DLGAP2: variants seen among roughly 807,000 people sequenced by gnomAD.
DLGAP2 encodes the protein DLG associated protein 2.
A neutral mutation model predicts 100.3 loss-of-function variants in DLGAP2; 26 were observed. The observed-to-expected ratio is 0.26, with a 90% CI of 0.19 to 0.36. The LOEUF (loss-of-function observed/expected upper bound fraction) is 0.36. DLGAP2 is among the 10% of genes least tolerant of loss of function. The probability of loss-of-function intolerance (pLI) is 1.00; values close to 1 mark genes in which losing one functional copy is unlikely to be tolerated. For synonymous variants in DLGAP2, 886 were observed against 630.1 expected, an observed-to-expected ratio of 1.41 and a Z score of -6.08; for missense variants, 1,858 against 1,453.2, an observed-to-expected ratio of 1.28 and a Z score of -4.53.
At chr8:958,581 C>T (rs1203383792) in intron 2 of DLGAP2, among the ~76,000 whole-genome samples, 1 of 78,048 alleles carries the variant, frequency 1.3e-5, no homozygotes, top group African/African-American at 5.1e-5. Flanking sequence ...AACTAGACCT[C>T]CAAAAAAAAA....
intron 2 of DLGAP2, among the ~76,000 whole-genome samples, chr8:941,116 G>A (rs748223938): frequency 2.6e-5 from 4 of 152,246 alleles, no homozygotes; most frequent in South Asian, 2.1e-4. Context: ...AGGAGCTTTC[G>A]TGTGGGACCC....
At chr8:1,579,595 G>T (rs1442083394) in intron 6 of DLGAP2, among the ~76,000 whole-genome samples, 2 of 151,746 alleles carry the variant, frequency 1.3e-5, no homozygotes, top group African/African-American at 4.8e-5. Context: ...AATCAATAAA[G>T]AAAAAAATGA....
At chr8:1,462,745 GT>G (rs1467185867) in intron 3 of DLGAP2, among the ~76,000 whole-genome samples, 1 of 152,182 alleles carries the variant, frequency 6.6e-6, no homozygotes, top group African/African-American at 2.4e-5. Context: ...AGGGAGCCAC[GT>G]CCCCCCGCAG....
At chr8:1,300,344 G>A (rs1197280031) in intron 3 of DLGAP2, 1 of 152,124 alleles carries the variant, frequency 6.6e-6, no homozygotes, top group East Asian at 1.9e-4. Context: ...GGTAGGAAAG[G>A]GGCCCTGGAC....
rs1209852458 is a variant in DLGAP2, at chr8:908,805, T to C, written c.73+839T>C. ...AAAAGCAATCGTGTGCTGTCAAGTA[T>C]GTATTTGTGTCCCAGGATGTTTTAG... On this transcript the variant is annotated intron_variant, in intron 2 of 14. Transcript: ENST00000637795. Among the ~76,000 whole-genome samples the C allele has an allele frequency of 5.3e-5, 8 of 152,242 alleles. No homozygotes were observed. In the East Asian group the frequency reaches 1.5e-3, roughly 29 times the overall value.
chr8:793,135 T>G (rs1303123080), intron 1 of DLGAP2, among the ~76,000 whole-genome samples: 1 of 152,232 alleles, frequency 6.6e-6, no homozygotes, highest in Non-Finnish European at 1.5e-5. Flanking sequence ...TAATTTTTAT[T>G]CGCTTTTCAT....
chr8:1,080,333 G>C (rs111760749), intron 2 of DLGAP2, among the ~76,000 whole-genome samples: 3 of 152,202 alleles, frequency 2.0e-5, no homozygotes, highest in African/African-American at 7.2e-5. Flanking sequence ...CTTTCCTCAA[G>C]TGCCTTGTTA....
intron 2 of DLGAP2, among the ~76,000 whole-genome samples, chr8:1,244,960 A>T (rs544380559): frequency 6.6e-6 from 1 of 152,368 alleles, no homozygotes; most frequent in Non-Finnish European, 1.5e-5. Context: ...AGAGGGCATG[A>T]ACAGGCAATT....
intron 1 of DLGAP2, among the ~76,000 whole-genome samples, chr8:766,526 C>T (rs1461805443): frequency 3.3e-5 from 5 of 152,164 alleles, no homozygotes; most frequent in African/African-American, 9.7e-5. Flanking sequence ...ACAGCTGGTG[C>T]CTCTGCCTTT....
rs1016202670 is a variant in DLGAP2 at position 1,501,412 on chromosome 8, G to T, written c.153G>T (p.Gly51=). Residue 51 remains glycine (G), a synonymous_variant, in exon 4 of 15, where the codon GGG becomes GGT. Transcript: ENST00000637795. ...TCCAGCCGGGCATCAGCTTTCCGGG[G>T]CCGGCAGAGGAGGATCTAGGTAGAG... is the stretch of plus-strand genomic sequence containing the variant. ...DLVQPGISFP[G]PAEEDLDPQY... is the part of the protein sequence containing the mutation. The T allele has an allele frequency of 1.4e-4, 215 of 1,535,794 alleles. 3 individuals are homozygous for T. In the East Asian group the frequency reaches 5.2e-3, roughly 37 times the overall value.
chr8:1,088,360 A>G (rs988913819), intron 2 of DLGAP2, among the ~76,000 whole-genome samples: 2 of 148,120 alleles, frequency 1.4e-5, no homozygotes, highest in Admixed American at 1.4e-4. Flanking sequence ...TGGGTGACAC[A>G]GGACTTTCTA....
chr8:1,140,987 A>G (rs1796511476), intron 2 of DLGAP2, among the ~76,000 whole-genome samples: 1 of 152,340 alleles, frequency 6.6e-6, no homozygotes, highest in African/African-American at 2.4e-5. Flanking sequence ...TGTCTCAAAA[A>G]TAGATAAAAA....
chr8:1,414,183 A>G (rs1272809480), intron 3 of DLGAP2, among the ~76,000 whole-genome samples: 1 of 152,164 alleles, frequency 6.6e-6, no homozygotes, highest in Non-Finnish European at 1.5e-5. Flanking sequence ...AAACTGACTT[A>G]TATTCGTAAA....
At chr8:1,687,497 T>C (rs577203024) in intron 12 of DLGAP2, among the ~76,000 whole-genome samples, 1 of 152,332 alleles carries the variant, frequency 6.6e-6, no homozygotes, top group South Asian at 2.1e-4. Context: ...ACTTACATTA[T>C]AGGCATCAGA....
chr8:1,056,834 T>C (rs1802896304), intron 2 of DLGAP2, among the ~76,000 whole-genome samples: 1 of 152,264 alleles, frequency 6.6e-6, no homozygotes, highest in Non-Finnish European at 1.5e-5. Flanking sequence ...TACATGCAAC[T>C]GTGCCCCTGA....
intron 3 of DLGAP2, among the ~76,000 whole-genome samples, chr8:1,356,545 G>A (rs969296696): frequency 2.0e-4 from 31 of 152,166 alleles, no homozygotes; most frequent in African/African-American, 6.7e-4. Context: ...CTCCTCCCTC[G>A]GGGTCCACAC....
chr8:1,316,955 TTAAAAA>T (rs1334038751), intron 3 of DLGAP2, among the ~76,000 whole-genome samples: 1 of 87,946 alleles, frequency 1.1e-5, no homozygotes, highest in Non-Finnish European at 2.3e-5. Flanking sequence ...TCGGCAGCGT[TTAAAAA>T]TAGAGCGTGT....
intron 2 of DLGAP2, among the ~76,000 whole-genome samples, chr8:1,185,106 G>T (rs986077974): frequency 2.0e-5 from 3 of 152,124 alleles, no homozygotes; most frequent in African/African-American, 7.2e-5. Flanking sequence ...TTGGGGTGTT[G>T]GGGCAGAGGA....
intron 2 of DLGAP2, among the ~76,000 whole-genome samples, chr8:956,669 A>G (rs73536091): frequency 0.061 from 9,338 of 152,256 alleles, 979 homozygotes; most frequent in African/African-American, 0.21. Flanking sequence ...GATCTAATAC[A>G]TGTGATGGCA....
Sources: allele counts gnomAD v4.1 joint callset (sites outside exome capture counted in the v4.1 genomes callset), GRCh38; gene constraint gnomAD v4.1.1; transcripts MANE v1.5; gene names NCBI Gene and HGNC (gene_info 2026-07-23, HGNC 2026-07-21).